Variants in ERCC6L2 observed in about 807,000 individuals in gnomAD.
The protein encoded by ERCC6L2 is DNA excision repair protein ERCC-6-like 2.
Under a neutral mutation model 132.0 loss-of-function variants are expected in ERCC6L2, and 77 were observed. That is an observed-to-expected ratio of 0.58 (90% confidence interval 0.49 to 0.71). ERCC6L2 has a LOEUF of 0.71. Ranked by LOEUF, ERCC6L2 falls within the 30% of genes least tolerant of loss-of-function variation. The pLI, the probability that ERCC6L2 is intolerant of heterozygous loss-of-function variation, is 0.00. For synonymous variants in ERCC6L2, 583 were observed against 632.4 expected (o/e 0.92, Z 1.17); for missense variants, 1,542 against 1,837.6 (o/e 0.84, Z 2.94).
chr9:95,900,327 G>A (rs1828705328), intron 3 of ERCC6L2, among the ~76,000 whole-genome samples: 1 of 152,020 alleles, frequency 6.6e-6, no homozygotes, highest in African/African-American at 2.4e-5. Flanking sequence ...GTTCTAGGCT[G>A]CAGTGAGCCG....
rs1211849973 is a variant in ERCC6L2, at chr9:95,881,217, G to A, written c.395G>A (p.Arg132Gln). ...AGAGACTACCAAAGAGAAGGAACCC[G>A]GTTTCTTTATGGACACTACATCCAT... ...YLRDYQREGT[R>Q]FLYGHYIHGG... Residue 132 changes from arginine (R) to glutamine (Q), a missense_variant, in exon 2 of 19, where the codon CGG becomes CAG. Arg to Gln is a conservative substitution (Grantham distance 43, BLOSUM62 1). Coordinates refer to ENST00000653738, the MANE Select transcript of ERCC6L2 (RefSeq NM_020207.7). 6.9e-6 allele frequency: 11 copies of A among 1,605,284 alleles called. No homozygotes were observed. The highest frequency in any genetic ancestry group is 2.7e-5 in the African/African-American group (2 of 74,080).
intron 17 of ERCC6L2, 69 bp from the exon 18 acceptor site, chr9:96,004,451 C>G: frequency 2.4e-6 from 2 of 846,882 alleles, no homozygotes; most frequent in South Asian, 3.1e-5. Context: ...AAAAGTAAGA[C>G]ATTCTCATTA....
chr9:95,977,123 C>G (rs1194966848), intron 16 of ERCC6L2, among the ~76,000 whole-genome samples: 1 of 152,042 alleles, frequency 6.6e-6, no homozygotes, highest in African/African-American at 2.4e-5. Context: ...TAATTTGGAA[C>G]TAATGCTATT....
At chr9:95,984,710 AAAT>A (rs1361024399) in intron 17 of ERCC6L2, among the ~76,000 whole-genome samples, 5 of 152,194 alleles carry the variant, frequency 3.3e-5, no homozygotes, top group African/African-American at 1.2e-4. Context: ...TGATAACCTA[AAAT>A]AATCTTACAT....
intron 1 of ERCC6L2, among the ~76,000 whole-genome samples, chr9:95,879,256 C>T (rs1016072188): frequency 6.6e-6 from 1 of 152,114 alleles, no homozygotes; most frequent in Non-Finnish European, 1.5e-5. Context: ...TGAGATGATG[C>T]CAGTTAATAA....
chr9:95,900,542 A>G (rs1828720546), intron 3 of ERCC6L2, among the ~76,000 whole-genome samples: 1 of 152,220 alleles, frequency 6.6e-6, no homozygotes, highest in South Asian at 2.1e-4. Context: ...AAAATTTCCA[A>G]GTGAATAGCT....
Position 96,025,350 on chromosome 9 carries a change from C to T in ERCC6L2, c.*1504-13526C>T, listed in dbSNP as rs964074408. Among the ~76,000 whole-genome samples the T allele has an allele frequency of 5.9e-5, 9 of 152,326 alleles. No individual in the cohort carries two copies. In the South Asian group the frequency reaches 8.3e-4, roughly 14 times the overall value. ...CCAGCTCGCCTGGTGCTTCCAGTGTCAAGTTCTATAGGAAGGAGGCAGGCC... is the reference window on the plus strand; with the variant it reads ...CCAGCTCGCCTGGTGCTTCCAGTGTTAAGTTCTATAGGAAGGAGGCAGGCC... On this transcript the variant is annotated intron_variant and NMD_transcript_variant, in intron 19 of 20. Transcript: ENST00000670016.
rs1180661026 is a variant in ERCC6L2, at chr9:95,893,824, C to A, written c.472-4025C>A. On this transcript the variant is annotated intron_variant, in intron 2 of 18. Coordinates refer to ENST00000653738, the MANE Select transcript of ERCC6L2 (RefSeq NM_020207.7). ...TGAAAAAATTCTTTCAAAGGATGAT[C>A]ATTTGGCATTGTTGATCATTTTCAT... 2.6e-5 allele frequency among the ~76,000 whole-genome samples: 4 copies of A among 152,052 alleles called. No individual in the cohort carries two copies. In the South Asian group the frequency reaches 8.3e-4, roughly 31 times the overall value.
intron 3 of ERCC6L2, among the ~76,000 whole-genome samples, chr9:95,903,684 A>G (rs533927439): frequency 6.6e-6 from 1 of 152,264 alleles, no homozygotes; most frequent in East Asian, 1.9e-4. Flanking sequence ...GAAGCCATAC[A>G]TGTCAGTGCT....
At chr9:95,986,796 C>T (rs1833114151) in intron 17 of ERCC6L2, among the ~76,000 whole-genome samples, 1 of 152,010 alleles carries the variant, frequency 6.6e-6, no homozygotes, top group African/African-American at 2.4e-5. Context: ...CATGCCCAGC[C>T]TTATCTCTCT....
intron 18 of ERCC6L2, among the ~76,000 whole-genome samples, chr9:96,008,863 A>G (rs1588052310): frequency 1.3e-5 from 2 of 152,260 alleles, no homozygotes; most frequent in East Asian, 3.8e-4. Context: ...AGCTGAGAGT[A>G]GAGCACTGAA....
intron 1 of ERCC6L2, among the ~76,000 whole-genome samples, chr9:95,880,131 A>G (rs1221148122): frequency 6.6e-6 from 1 of 152,216 alleles, no homozygotes; most frequent in Admixed American, 6.5e-5. Context: ...CTTTGCAGAA[A>G]GAGATCTTAG....
chr9:95,879,475 C>T (rs942118974), intron 1 of ERCC6L2, among the ~76,000 whole-genome samples: 1 of 152,108 alleles, frequency 6.6e-6, no homozygotes. Flanking sequence ...GTAAGGGTTG[C>T]TTTAGGTTTT....
chr9:96,006,510 A>T (rs1833868577), intron 18 of ERCC6L2, among the ~76,000 whole-genome samples: 1 of 152,172 alleles, frequency 6.6e-6, no homozygotes, highest in African/African-American at 2.4e-5. Flanking sequence ...CCCTGGCGGG[A>T]GGTGGCTGGT....
intron 12 of ERCC6L2, among the ~76,000 whole-genome samples, chr9:95,954,127 G>C (rs376403889): frequency 6.6e-6 from 1 of 152,176 alleles, no homozygotes; most frequent in East Asian, 1.9e-4. Flanking sequence ...TAAGTAGCTT[G>C]CTCAAGGTCA....
At chr9:95,951,983 C>T (rs1211808516) in intron 12 of ERCC6L2, among the ~76,000 whole-genome samples, 1 of 151,730 alleles carries the variant, frequency 6.6e-6, no homozygotes, top group East Asian at 1.9e-4. Context: ...TCCTGGCCAA[C>T]ACACTGAAAC....
intron 3 of ERCC6L2, among the ~76,000 whole-genome samples, chr9:95,902,261 G>C (rs1420513633): frequency 6.6e-6 from 1 of 152,066 alleles, no homozygotes; most frequent in Admixed American, 6.5e-5. Context: ...TTAGATGTAG[G>C]CTAAGTTTTG....
At chr9:96,007,269 A>G (rs1335931217) in intron 18 of ERCC6L2, among the ~76,000 whole-genome samples, 2 of 152,206 alleles carry the variant, frequency 1.3e-5, no homozygotes, top group African/African-American at 4.8e-5. Flanking sequence ...TGGTAATGAC[A>G]ATGGCAATTT....
At position 96,012,848 on chromosome 9, in the gene ERCC6L2, C is replaced by T. The variant is rs771660663; in HGVS notation, c.4298C>T (p.Thr1433Ile). 2 of 1,367,470 alleles carry T rather than the reference C, an allele frequency of 1.5e-6. No homozygotes were observed. Among genetic ancestry groups the T allele is most frequent in the Non-Finnish European group, 2.0e-6 (2 of 1,021,844 alleles). The allele number at this position is 1,367,470 out of a possible 1,614,324, so 84.7% of individuals were successfully genotyped here. Residue 1433 changes from threonine to isoleucine, a missense_variant, in exon 19 of 19, where the codon ACT (threonine) becomes ATT (isoleucine). Coordinates refer to ENST00000653738, the MANE Select transcript of ERCC6L2 (RefSeq NM_020207.7). ...KKIENPVLENTSVISLLGDTS... is the reference protein window; with the variant it reads ...KKIENPVLENISVISLLGDTS... ...ATAGAAAATCCAGTGCTGGAAAATA[C>T]TTCTGTGATAAGCTTACTTGGTGAT... is the stretch of plus-strand genomic sequence containing the variant.
Sources: gnomAD v4.1 joint callset for allele counts (sites outside exome capture counted in the v4.1 genomes callset) on GRCh38, gnomAD v4.1.1 for gene constraint, MANE v1.5 for transcripts, NCBI Gene and HGNC (gene_info 2026-07-23, HGNC 2026-07-21) for gene names.